DENND6A: variants seen among roughly 807,000 people sequenced by gnomAD.
The protein encoded by DENND6A is DENN domain containing 6A.
In DENND6A, 43 loss-of-function variants were observed where a neutral mutation model predicts 95.5. The observed-to-expected ratio is 0.45, with a 90% CI of 0.35 to 0.58. The LOEUF is 0.58. Ranked by LOEUF, DENND6A falls within the 20% of genes least tolerant of loss-of-function variation. The pLI is 0.00. For synonymous variants in DENND6A, 257 were observed against 260.4 expected (o/e 0.99, Z 0.13); for missense variants, 574 against 736.0 (o/e 0.78, Z 2.55).
intron 12 of DENND6A, among the ~76,000 whole-genome samples, chr3:57,635,340 G>A (rs950780072): frequency 6.6e-6 from 1 of 152,172 alleles, no homozygotes; most frequent in Non-Finnish European, 1.5e-5. Flanking sequence ...CAGGACTCCT[G>A]AGCAGGCTGC....
At chr3:57,640,632 C>T (rs1057181943) in intron 12 of DENND6A, among the ~76,000 whole-genome samples, 4 of 151,916 alleles carry the variant, frequency 2.6e-5, no homozygotes, top group Non-Finnish European at 1.5e-5. Context: ...CTTTATAATC[C>T]CAACTATTTC....
intron 14 of DENND6A, 119 bp downstream of exon 14, chr3:57,634,439 A>T (rs1272384547): frequency 6.5e-6 from 3 of 458,914 alleles, no homozygotes; most frequent in Admixed American, 4.9e-5. Context: ...TCTCCCAAAA[A>T]AAAAAAAAAA....
At chr3:57,641,845 A>T in intron 11 of DENND6A, 98 bp from the exon 12 acceptor site, 1 of 961,970 alleles carries the variant, frequency 1.0e-6, no homozygotes, top group South Asian at 1.6e-5. Flanking sequence ...TGAACAATAC[A>T]CAGATTGATT....
chr3:57,677,604 T>G (rs530877001), intron 1 of DENND6A, among the ~76,000 whole-genome samples: 24 of 151,804 alleles, frequency 1.6e-4, no homozygotes, highest in Admixed American at 9.2e-4. Context: ...CCTGGCTAAT[T>G]TTTAAATTTT....
At chr3:57,643,193 A>G (rs2070989437) in intron 11 of DENND6A, among the ~76,000 whole-genome samples, 1 of 152,192 alleles carries the variant, frequency 6.6e-6, no homozygotes, top group Non-Finnish European at 1.5e-5. Context: ...AACTGACAGA[A>G]TTTGGTAAAA....
intron 9 of DENND6A, among the ~76,000 whole-genome samples, chr3:57,654,269 A>G (rs895771347): frequency 6.6e-6 from 1 of 152,072 alleles, no homozygotes; most frequent in Non-Finnish European, 1.5e-5. Flanking sequence ...ATTCACTTCT[A>G]AGAATTAAAC....
At chr3:57,639,800 T>A (rs1275358783) in intron 12 of DENND6A, among the ~76,000 whole-genome samples, 1 of 148,758 alleles carries the variant, frequency 6.7e-6, no homozygotes, top group African/African-American at 2.6e-5. Context: ...ATAAGGCTTC[T>A]AAAAATTTCA....
At chr3:57,661,265 G>C (rs2071418456) in intron 6 of DENND6A, among the ~76,000 whole-genome samples, 181 bp downstream of exon 6, 2 of 152,174 alleles carry the variant, frequency 1.3e-5, no homozygotes, top group Non-Finnish European at 1.5e-5. Flanking sequence ...GATAACAAAA[G>C]ACAGTTTTGG....
chr3:57,653,559 C>T (rs9860969), intron 9 of DENND6A, among the ~76,000 whole-genome samples: 57,991 of 151,320 alleles, frequency 0.38, 12,522 homozygotes, highest in South Asian at 0.56. Flanking sequence ...TCCTGGCTAA[C>T]AACGGTGAAA....
At chr3:57,691,688 A>C (rs1223625784) in intron 1 of DENND6A, among the ~76,000 whole-genome samples, 14 of 151,242 alleles carry the variant, frequency 9.3e-5, no homozygotes, top group Admixed American at 4.6e-4. Context: ...AAAAAAAAAA[A>C]AAAAACCAAA....
chr3:57,648,135 T>C (rs929707126), intron 9 of DENND6A, among the ~76,000 whole-genome samples: 1 of 152,172 alleles, frequency 6.6e-6, no homozygotes, highest in Non-Finnish European at 1.5e-5. Flanking sequence ...AAAAACCTCC[T>C]AGAACTGGTA....
intron 3 of DENND6A, among the ~76,000 whole-genome samples, chr3:57,669,833 C>A (rs1251381262): frequency 6.6e-6 from 1 of 151,546 alleles, no homozygotes; most frequent in Non-Finnish European, 1.5e-5. Context: ...ACCAGCCTGG[C>A]CAACACAGTG....
chr3:57,691,361 G>A (rs2077262589), intron 1 of DENND6A, among the ~76,000 whole-genome samples: 1 of 152,142 alleles, frequency 6.6e-6, no homozygotes, highest in South Asian at 2.1e-4. Context: ...TTTATAGAAT[G>A]CCACTAGGTG....
chr3:57,692,737 C>A, intron 1 of DENND6A, 45 bp downstream of exon 1: 1 of 1,390,356 alleles, frequency 7.2e-7, no homozygotes. Context: ...GCAGCCGCCC[C>A]GGCGCAGGGG....
chr3:57,631,450 T>C (rs2070671333), intron 15 of DENND6A, among the ~76,000 whole-genome samples: 1 of 152,132 alleles, frequency 6.6e-6, no homozygotes, highest in Non-Finnish European at 1.5e-5. Flanking sequence ...TGCCTCAGCC[T>C]CCCAAAGTGC....
In DENND6A at chr3:57,635,154, G is replaced by A. The variant is rs140309775; in HGVS notation, c.1133-385C>T. Among the ~76,000 whole-genome samples, 72 of 152,306 alleles carry A rather than the reference G, an allele frequency of 4.7e-4. 1 individual carries two copies. The highest frequency in any genetic ancestry group is 1.7e-3 in the African/African-American group (71 of 41,552). On this transcript the variant is annotated intron_variant, in intron 12 of 19. Coordinates refer to ENST00000311128, the MANE Select transcript of DENND6A (RefSeq NM_152678.3). ...CCTTTAAGTATAAATGGAATAGAGA[G>A]CAATTCTTAAATGACTATGCAGATG...
intron 4 of DENND6A, among the ~76,000 whole-genome samples, chr3:57,664,645 C>T (rs536585016): frequency 4.8e-4 from 73 of 152,084 alleles, no homozygotes; most frequent in Middle Eastern, 6.8e-3. Context: ...CCATCCTGGC[C>T]AACATGGTGA....
chr3:57,646,195 A>C, intron 10 of DENND6A, 121 bp downstream of exon 10: 1 of 1,373,812 alleles, frequency 7.3e-7, no homozygotes, highest in East Asian at 2.4e-5. Context: ...TTTTGCATGG[A>C]TCAATGCAAT....
intron 1 of DENND6A, among the ~76,000 whole-genome samples, chr3:57,686,076 G>T (rs567491051): frequency 6.6e-6 from 1 of 152,258 alleles, no homozygotes; most frequent in South Asian, 2.1e-4. Context: ...TGCCCCAGAT[G>T]ATTCTTATGA....
Sources: allele counts gnomAD v4.1 joint callset (sites outside exome capture counted in the v4.1 genomes callset), GRCh38; gene constraint gnomAD v4.1.1; transcripts MANE v1.5; gene names NCBI Gene and HGNC (gene_info 2026-07-23, HGNC 2026-07-21).